GOSR2: variants seen among roughly 807,000 people sequenced by gnomAD.
GOSR2 encodes the protein 27 kDa Golgi SNARE protein.
GOSR2 carries 20 observed loss-of-function variants against 27.9 expected under a neutral mutation model. That is an observed-to-expected ratio of 0.72 (90% confidence interval 0.50 to 1.04). GOSR2 has a LOEUF of 1.04. Ranked by LOEUF, GOSR2 falls within the 50% of genes least tolerant of loss-of-function variation. The probability of loss-of-function intolerance (pLI) is 0.00; values close to 1 mark genes in which losing one functional copy is unlikely to be tolerated. For missense variants in GOSR2, 261 were observed against 270.5 expected (o/e 0.97, Z 0.25); for synonymous variants, 91 against 98.8 (o/e 0.92, Z 0.47).
At chr17:46,956,834 C>T (rs1335418776) in intron 6 of GOSR2, among the ~76,000 whole-genome samples, 2 of 152,130 alleles carry the variant, frequency 1.3e-5, no homozygotes, top group African/African-American at 4.8e-5. Context: ...TCACTCCCGC[C>T]CCAAGACTAA....
intron 6 of GOSR2, among the ~76,000 whole-genome samples, chr17:46,974,460 C>T (rs981084344): frequency 3.3e-5 from 5 of 152,164 alleles, no homozygotes; most frequent in Non-Finnish European, 5.9e-5. Context: ...CTCCGCCGGG[C>T]GCGGTGGCTC....
chr17:46,949,610 C>A (rs1264965572), intron 6 of GOSR2, among the ~76,000 whole-genome samples: 1 of 152,180 alleles, frequency 6.6e-6, no homozygotes, highest in Non-Finnish European at 1.5e-5. Flanking sequence ...TCACGTCTAG[C>A]TGGGAAGACA....
At chr17:46,960,313 G>A (rs949204824) in intron 6 of GOSR2, among the ~76,000 whole-genome samples, 1 of 152,134 alleles carries the variant, frequency 6.6e-6, no homozygotes, top group Admixed American at 6.5e-5. Context: ...TACACACTTG[G>A]CATACATACA....
At chr17:46,953,165 T>G (rs1372145621) in intron 6 of GOSR2, among the ~76,000 whole-genome samples, 2 of 152,138 alleles carry the variant, frequency 1.3e-5, no homozygotes, top group African/African-American at 4.8e-5. Context: ...TCATTTAGCA[T>G]TAGGTATATC....
chr17:46,926,545 GAGA>G (rs2086529382), intron 1 of GOSR2, among the ~76,000 whole-genome samples: 1 of 152,196 alleles, frequency 6.6e-6, no homozygotes, highest in African/African-American at 2.4e-5. Flanking sequence ...CCCCATGCTA[GAGA>G]GGGCTAAGAC....
chr17:46,923,483 G>A (rs1267874690), intron 1 of GOSR2: 6 of 1,384,834 alleles, frequency 4.3e-6, no homozygotes, highest in Non-Finnish European at 5.6e-6. Context: ...TGGGTAGACT[G>A]GGTGACGGGA....
intron 6 of GOSR2, among the ~76,000 whole-genome samples, chr17:46,960,052 A>AT (rs1196570770): frequency 6.6e-6 from 1 of 152,222 alleles, no homozygotes; most frequent in African/African-American, 2.4e-5. Context: ...CTCAGGACTG[A>AT]TTCAGGCTAA....
chr17:46,973,627 G>A (rs1388384914), intron 6 of GOSR2, among the ~76,000 whole-genome samples: 1 of 152,168 alleles, frequency 6.6e-6, no homozygotes. Flanking sequence ...CCGCAATGCT[G>A]TCATCTCAGA....
chr17:46,953,154 G>A (rs890883162), intron 6 of GOSR2, among the ~76,000 whole-genome samples: 2 of 151,144 alleles, frequency 1.3e-5, no homozygotes, highest in African/African-American at 2.4e-5. Flanking sequence ...CCATTAACTC[G>A]TCATTTAGCA....
intron 2 of GOSR2, chr17:46,930,888 C>T: frequency 1.8e-6 from 1 of 550,592 alleles, no homozygotes; most frequent in South Asian, 2.3e-5. Context: ...ATTGTTATGT[C>T]ATTAACAGCT....
chr17:46,923,347 G>C, intron 1 of GOSR2, 126 bp downstream of exon 1: 3 of 1,522,076 alleles, frequency 2.0e-6, no homozygotes, highest in Non-Finnish European at 2.6e-6. Flanking sequence ...GGCACTGCTG[G>C]GGATGCCTCC....
chr17:46,940,383 G>C lies in GOSR2; in HGVS notation c.*1623G>C, dbSNP rs2089089732. 2 of 1,533,162 alleles carry C rather than the reference G, an allele frequency of 1.3e-6. No homozygotes were observed. The highest frequency in any genetic ancestry group is 1.9e-5 in the Admixed American group (1 of 52,578). 95.0% of individuals were successfully genotyped at this position (1,533,162 alleles called of 1,614,324 possible). The stretch of plus-strand genomic sequence containing the variant: ...AGAGTTAAAGCAGTGACTGGAGGGT[G>C]GACTGGGGGGTTGCAGCATCTTTAG... On this transcript the variant is annotated 3_prime_UTR_variant, in exon 6 of 6. Coordinates refer to ENST00000640051, the MANE Select transcript of GOSR2 (RefSeq NM_004287.5).
downstream of GOSR2, among the ~76,000 whole-genome samples, chr17:46,943,444 T>A (rs2089528467): frequency 6.6e-6 from 1 of 152,154 alleles, no homozygotes; most frequent in Non-Finnish European, 1.5e-5. Context: ...TCAGTACAGC[T>A]GCACCTTTGC....
chr17:46,935,746 G>A (rs1205524046), intron 5 of GOSR2: 1 of 987,618 alleles, frequency 1.0e-6, no homozygotes, highest in Non-Finnish European at 1.2e-6. Context: ...ATTCCTAGAA[G>A]CCCTGACCAG....
intron 5 of GOSR2, chr17:46,936,624 T>C: frequency 1.0e-6 from 1 of 985,298 alleles, no homozygotes; most frequent in South Asian, 4.7e-5. Context: ...CTGGGGCCAA[T>C]TTGTGGCTGA....
intron 6 of GOSR2, among the ~76,000 whole-genome samples, chr17:46,961,380 A>G (rs1394839517): frequency 6.6e-6 from 1 of 152,132 alleles, no homozygotes; most frequent in African/African-American, 2.4e-5. Flanking sequence ...TCTACAAAAA[A>G]CAAAATAACT....
intron 6 of GOSR2, among the ~76,000 whole-genome samples, chr17:46,973,926 C>G (rs1568221917): frequency 6.6e-6 from 1 of 152,204 alleles, no homozygotes; most frequent in Non-Finnish European, 1.5e-5. Context: ...GAAGCCACCC[C>G]CAAAGCTCAA....
At chr17:46,966,856 G>A (rs1599259020) in exon 7 of GOSR2, 1 of 410,602 alleles carries the variant, frequency 2.4e-6, no homozygotes. Flanking sequence ...GGCATGTGAA[G>A]AGCCCTCTCT....
At chr17:46,949,636 C>T (rs889247213) in intron 6 of GOSR2, among the ~76,000 whole-genome samples, 7 of 152,156 alleles carry the variant, frequency 4.6e-5, no homozygotes, top group African/African-American at 1.7e-4. Flanking sequence ...GAGCATGCAG[C>T]AATAAAGTGC....
Sources: allele counts gnomAD v4.1 joint callset (sites outside exome capture counted in the v4.1 genomes callset), GRCh38; gene constraint gnomAD v4.1.1; transcripts MANE v1.5; gene names NCBI Gene and HGNC (gene_info 2026-07-23, HGNC 2026-07-21).